The following UBXN2A variants were observed in gnomAD, a reference collection of about 807,000 sequenced individuals.
UBXN2A encodes the protein UBX domain protein 2A.
Under a neutral mutation model 28.4 loss-of-function variants are expected in UBXN2A, and 28 were observed. The ratio of observed to expected loss-of-function variants is 0.99; its 90% CI spans 0.73 to 1.35. The LOEUF is 1.35. Among genes scored for constraint, UBXN2A ranks in the 40% most tolerant of loss-of-function variants. The probability of loss-of-function intolerance (pLI) is 0.00; values close to 1 mark genes in which losing one functional copy is unlikely to be tolerated. For missense variants in UBXN2A, 253 were observed against 297.9 expected (o/e 0.85, Z 1.11); for synonymous variants, 97 against 103.6 (o/e 0.94, Z 0.39).
intron 5 of UBXN2A, 106 bp from the exon 6 acceptor site, chr2:23,984,566 AT>A (rs1708046158): frequency 1.0e-6 from 1 of 984,998 alleles, no homozygotes. Flanking sequence ...AACTTAAAAA[AT>A]CTTCCTTAAA....
chr2:23,994,400 C>A (rs1043898624), intron 6 of UBXN2A, among the ~76,000 whole-genome samples: 2 of 152,060 alleles, frequency 1.3e-5, no homozygotes, highest in Non-Finnish European at 2.9e-5. Flanking sequence ...GTATTTTATT[C>A]TCTTTTGTCT....
At chr2:23,945,830 C>CTTT (rs796764799) in intron 1 of UBXN2A, among the ~76,000 whole-genome samples, 1 of 138,762 alleles carries the variant, frequency 7.2e-6, no homozygotes. Flanking sequence ...TTTTTCTTCT[C>CTTT]TTTTTTTTTT....
chr2:23,987,086 C>G (rs558652009), intron 6 of UBXN2A, among the ~76,000 whole-genome samples: 47 of 150,688 alleles, frequency 3.1e-4, no homozygotes, highest in African/African-American at 1.1e-3. Flanking sequence ...GAGCAAGACC[C>G]TGTCTCAAAA....
At chr2:23,954,338 A>G (rs905590491) in intron 1 of UBXN2A, among the ~76,000 whole-genome samples, 2 of 152,186 alleles carry the variant, frequency 1.3e-5, no homozygotes, top group Admixed American at 1.3e-4. Flanking sequence ...ATGTTATAGT[A>G]TGTATCAGAA....
chr2:23,976,386 C>T (rs1013217286), intron 3 of UBXN2A, among the ~76,000 whole-genome samples: 7 of 152,090 alleles, frequency 4.6e-5, no homozygotes, highest in African/African-American at 1.2e-4. Context: ...CGCCCAACAT[C>T]GCTTCCCCCT....
At chr2:23,938,856 G>T (rs1705617531), upstream of UBXN2A, among the ~76,000 whole-genome samples, 1 of 152,186 alleles carries the variant, frequency 6.6e-6, no homozygotes, top group Non-Finnish European at 1.5e-5. Context: ...ATTAAATGGT[G>T]CTGGGACCAA....
At chr2:23,968,842 A>T (rs1267300489) in intron 2 of UBXN2A, 1 of 151,620 alleles carries the variant, frequency 6.6e-6, no homozygotes, top group Non-Finnish European at 1.5e-5. Flanking sequence ...ACAACCAGAA[A>T]CCATCTTTTC....
intron 1 of UBXN2A, among the ~76,000 whole-genome samples, chr2:23,950,125 TAA>T (rs1199538792): frequency 1.3e-5 from 2 of 151,084 alleles, no homozygotes; most frequent in Non-Finnish European, 2.9e-5. Context: ...TCAGATCTGG[TAA>T]AGAGAGTGAA....
At position 23,958,363 on chromosome 2, in the gene UBXN2A, A is replaced by C. The variant is rs1297224863; in HGVS notation, c.41+8A>C. ...AAGTATAAAAGAAGAATGGTAAGTT[A>C]ATTCAAACTGAATTGCTTTGTTAAT... is the stretch of plus-strand genomic sequence containing the variant. On this transcript the variant is annotated splice_region_variant and intron_variant, in intron 2 of 6. Coordinates refer to ENST00000309033, the MANE Select transcript of UBXN2A (RefSeq NM_181713.4). The C allele has an allele frequency of 9.4e-6, 15 of 1,602,218 alleles. No individual in the cohort carries two copies. The highest frequency in any genetic ancestry group is 2.7e-5 in the African/African-American group (2 of 74,494).
upstream of UBXN2A, chr2:23,939,751 GGGGCATCCTT>G (rs1705653488): frequency 6.6e-6 from 1 of 152,350 alleles, no homozygotes; most frequent in Admixed American, 6.5e-5. Context: ...GCTAACGACG[GGGGCATCCTT>G]GAGTCCTGAC....
intron 1 of UBXN2A, among the ~76,000 whole-genome samples, chr2:23,948,639 A>C (rs72796388): frequency 0.12 from 18,305 of 152,184 alleles, 1,194 homozygotes; most frequent in Middle Eastern, 0.21. Context: ...TTCAGTCCTC[A>C]GAACAACCTG....
Position 23,999,746 on chromosome 2 carries a change from C to G in UBXN2A, c.659C>G (p.Ala220Gly). The G allele has an allele frequency of 1.2e-6, 2 of 1,614,194 alleles. No individual in the cohort carries two copies. Among genetic ancestry groups the G allele is most frequent in the Non-Finnish European group, 1.7e-6 (2 of 1,180,040 alleles). Residue 220 changes from alanine (A) to glycine (G), a missense_variant, in exon 7 of 7, where the codon GCT (alanine) becomes GGT (glycine). By Grantham distance (60) the Ala-to-Gly change is moderately conservative. Coordinates refer to ENST00000309033, the MANE Select transcript of UBXN2A (RefSeq NM_181713.4). ...QRSPPFSLAT[A>G]LPVLRLLDET... ...AGTCCTCCGTTTTCCCTGGCAACAG[C>G]TCTTCCTGTCCTCAGGTTGCTAGAT...
chr2:23,991,524 A>G (rs1708353182), intron 6 of UBXN2A, among the ~76,000 whole-genome samples: 2 of 151,776 alleles, frequency 1.3e-5, no homozygotes, highest in African/African-American at 2.4e-5. Context: ...GCTGGAGTGC[A>G]GTGGTGTGAT....
At chr2:23,932,593 AAC>A (rs1705403517) in intron 1 of UBXN2A, among the ~76,000 whole-genome samples, 1 of 152,168 alleles carries the variant, frequency 6.6e-6, no homozygotes, top group Non-Finnish European at 1.5e-5. Context: ...AATTCATAAC[AAC>A]ACACTGATCA....
intron 1 of UBXN2A, among the ~76,000 whole-genome samples, chr2:23,951,181 G>A (rs1011779577): frequency 6.6e-6 from 1 of 151,712 alleles, no homozygotes; most frequent in African/African-American, 2.4e-5. Flanking sequence ...ATTAACTGTA[G>A]GAGATTATTT....
intron 4 of UBXN2A, among the ~76,000 whole-genome samples, chr2:23,980,283 A>G (rs1031972195): frequency 5.3e-5 from 8 of 152,180 alleles, no homozygotes. Context: ...TTGTGTGGTC[A>G]TATGTTTTCA....
At chr2:23,952,701 C>T (rs1193888365) in intron 1 of UBXN2A, among the ~76,000 whole-genome samples, 1 of 152,112 alleles carries the variant, frequency 6.6e-6, no homozygotes, top group Non-Finnish European at 1.5e-5. Context: ...CCTTGGCCTC[C>T]CAAAGTGTTG....
intron 1 of UBXN2A, among the ~76,000 whole-genome samples, chr2:23,942,884 A>G (rs1200124593): frequency 1.3e-5 from 2 of 152,164 alleles, no homozygotes; most frequent in Non-Finnish European, 2.9e-5. Context: ...ATGTTATTTT[A>G]ACAGTAATAG....
chr2:23,951,264 A>G (rs1706346017), intron 1 of UBXN2A, among the ~76,000 whole-genome samples: 1 of 151,760 alleles, frequency 6.6e-6, no homozygotes, highest in African/African-American at 2.4e-5. Context: ...ATAATGTCCA[A>G]AAGAGCTGGG....
Sources: gnomAD v4.1 joint callset for allele counts (sites outside exome capture counted in the v4.1 genomes callset) on GRCh38, gnomAD v4.1.1 for gene constraint, MANE v1.5 for transcripts, NCBI Gene and HGNC (gene_info 2026-07-23, HGNC 2026-07-21) for gene names.